KCNQ4: variants seen among roughly 807,000 people sequenced by gnomAD.
KCNQ4 encodes potassium voltage-gated channel subfamily Q member 4.
KCNQ4 carries 31 observed loss-of-function variants against 72.6 expected under a neutral mutation model. The observed-to-expected ratio is 0.43, with a 90% CI of 0.32 to 0.58. The LOEUF is 0.58. Among genes scored for constraint, KCNQ4 ranks in the 20% least tolerant of loss-of-function variants. The pLI is 0.08. For missense variants in KCNQ4, 869 were observed against 962.6 expected, an observed-to-expected ratio of 0.90 and a Z score of 1.29; for synonymous variants, 405 against 403.7, an observed-to-expected ratio of 1.00 and a Z score of -0.04.
At chr1:40,830,240 C>G (rs1052757912) in intron 9 of KCNQ4, among the ~76,000 whole-genome samples, 6 of 152,186 alleles carry the variant, frequency 3.9e-5, no homozygotes, top group African/African-American at 1.4e-4. Flanking sequence ...AATAGAGACC[C>G]TCACTGAGAG....
At chr1:40,826,618 T>A (rs1171853954) in intron 9 of KCNQ4, 7 of 454,966 alleles carry the variant, frequency 1.5e-5, no homozygotes, top group Non-Finnish European at 2.2e-5. Flanking sequence ...TCTGTTCGTG[T>A]CTTATTCTCA....
At position 40,820,155 on chromosome 1, in the gene KCNQ4, A is replaced by G; in HGVS notation, c.946-10A>G. Reference sequence around the variant, plus strand: ...CAGCACATTCCCCCAACCATGCCCTATCCCTCTAGGGCATCCTAGGCTCCG... The same window carrying G: ...CAGCACATTCCCCCAACCATGCCCTGTCCCTCTAGGGCATCCTAGGCTCCG... On this transcript the variant is annotated splice_polypyrimidine_tract_variant and intron_variant, in intron 6 of 13. Transcript: ENST00000347132. The G allele has an allele frequency of 6.2e-7, 1 of 1,602,852 alleles. No homozygotes were observed. Among genetic ancestry groups the G allele is most frequent in the Non-Finnish European group, 8.5e-7 (1 of 1,174,296 alleles).
At chr1:40,806,136 C>A (rs998700857) in intron 1 of KCNQ4, among the ~76,000 whole-genome samples, 1 of 152,224 alleles carries the variant, frequency 6.6e-6, no homozygotes, top group East Asian at 1.9e-4. Context: ...CCACCGCGCC[C>A]GGCCTCACAT....
intron 1 of KCNQ4, among the ~76,000 whole-genome samples, chr1:40,792,077 G>A (rs773465795): frequency 3.3e-5 from 5 of 152,132 alleles, no homozygotes; most frequent in Non-Finnish European, 5.9e-5. Context: ...GTACCCACTG[G>A]CTTTTGGGCA....
At chr1:40,796,924 A>AAATC (rs1343847740) in intron 1 of KCNQ4, among the ~76,000 whole-genome samples, 4 of 136,744 alleles carry the variant, frequency 2.9e-5, no homozygotes, top group Non-Finnish European at 6.9e-5. Context: ...TCAAATAAAT[A>AAATC]AATAAATAAA....
rs1424867606 is a variant in KCNQ4 at position 40,823,988 on chromosome 1, T to C, written c.1131-109T>C. ...TCTGGCCGGGCTGTCAGTGAACACC[T>C]CTAGAGCAGCAGGACCTGGCAAGAT... On this transcript the variant is annotated intron_variant, in intron 8 of 13. Transcript: ENST00000347132. 4 of 1,321,734 alleles carry C rather than the reference T, an allele frequency of 3.0e-6. No homozygotes were observed. The Admixed American group carries it at 7.9e-5, about 26-fold the overall frequency. The allele number at this position is 1,321,734 out of a possible 1,614,324, so 81.9% of individuals were successfully genotyped here.
At chr1:40,820,006 T>C (rs374344695) in intron 6 of KCNQ4, 21 bp downstream of exon 6, 14 of 1,598,114 alleles carry the variant, frequency 8.8e-6, no homozygotes, top group Non-Finnish European at 6.9e-6. Flanking sequence ...TCCTGCTCAG[T>C]TGGTGGGGGA....
intron 2 of KCNQ4, 95 bp from the exon 3 acceptor site, chr1:40,818,069 C>G: frequency 6.5e-6 from 10 of 1,534,036 alleles, no homozygotes; most frequent in Non-Finnish European, 9.0e-6. Flanking sequence ...AGGCCCTGGT[C>G]CCCCTAACCC....
intron 1 of KCNQ4, among the ~76,000 whole-genome samples, chr1:40,793,327 C>T (rs964320867): frequency 6.6e-6 from 1 of 152,152 alleles, no homozygotes; most frequent in African/African-American, 2.4e-5. Context: ...TTTCCTCAAA[C>T]CTGCCTCTGT....
rs761127546 is a variant in KCNQ4, at chr1:40,835,014, G to GACCGT, written c.1664_1668dup (p.Asp557ArgfsTer4). ...AAAAGGAAATTCAAGGAGACACTGCGACCGTACGACGTGAAGGACGTCATT... is the reference window on the plus strand; with the variant it reads ...AAAAGGAAATTCAAGGAGACACTGCGACCGTACCGTACGACGTGAAGGACGTCATT... On this transcript the variant is annotated frameshift_variant, in exon 12 of 14. Transcript: ENST00000347132. LOFTEE classifies it high-confidence loss of function. 1 of 1,614,064 alleles carries GACCGT rather than the reference G, an allele frequency of 6.2e-7. No homozygotes were observed. The highest frequency in any genetic ancestry group is 2.2e-5 in the East Asian group (1 of 44,876).
At chr1:40,797,179 A>G (rs967259404) in intron 1 of KCNQ4, among the ~76,000 whole-genome samples, 5 of 152,188 alleles carry the variant, frequency 3.3e-5, no homozygotes, top group Non-Finnish European at 7.3e-5. Flanking sequence ...AGGCAGGGTG[A>G]TAAGTGCCAC....
chr1:40,837,757 T>G lies in KCNQ4; in HGVS notation c.1838T>G (p.Ile613Ser), dbSNP rs1648848034. ...GPSDAEVVDEISMMGRVVKVE... is the reference protein window; with the variant it reads ...GPSDAEVVDESSMMGRVVKVE... ...TCCGACGCGGAGGTGGTGGATGAAATCAGCATGATGGGACGCGTGGTCAAG... is the reference window on the plus strand; with the variant it reads ...TCCGACGCGGAGGTGGTGGATGAAAGCAGCATGATGGGACGCGTGGTCAAG... The change falls in exon 13 of 14, where the codon ATC (isoleucine) becomes AGC (serine). Residue 613 changes from isoleucine (I) to serine (S), a missense_variant. Transcript: ENST00000347132. 3 of 1,611,846 alleles carry G rather than the reference T, an allele frequency of 1.9e-6. 1 individual carries two copies. In the South Asian group the frequency reaches 3.3e-5, roughly 18 times the overall value.
chr1:40,838,214 C>T lies in KCNQ4; in HGVS notation c.1876-97C>T, dbSNP rs890160088. The stretch of plus-strand genomic sequence containing the variant: ...GTGCTTCCCAGATAAGCCCCGCCCA[C>T]TCCACCGGCTAGGGTCCGCCCCGAG... On this transcript the variant is annotated intron_variant, in intron 13 of 13. Coordinates refer to ENST00000347132, the MANE Select transcript of KCNQ4 (RefSeq NM_004700.4). 2.8e-6 allele frequency: 3 copies of T among 1,056,976 alleles called. No individual in the cohort carries two copies. In the Admixed American group the frequency reaches 5.5e-5, roughly 19 times the overall value. 65.5% of individuals were successfully genotyped at this position (1,056,976 alleles called of 1,614,324 possible).
intron 11 of KCNQ4, 60 bp from the exon 12 acceptor site, chr1:40,834,907 G>T: frequency 1.2e-6 from 2 of 1,603,442 alleles, no homozygotes; most frequent in Non-Finnish European, 1.7e-6. Flanking sequence ...GATGGAGAGG[G>T]TGCTGGGAAA....
intron 10 of KCNQ4, among the ~76,000 whole-genome samples, chr1:40,832,188 T>G (rs1421250686): frequency 1.3e-5 from 2 of 152,216 alleles, no homozygotes; most frequent in Non-Finnish European, 2.9e-5. Flanking sequence ...TGACATACTT[T>G]AGGCCCCTGG....
At chr1:40,819,226 A>G (rs1570830936) in intron 4 of KCNQ4, 121 bp from the exon 5 acceptor site, 3 of 1,254,926 alleles carry the variant, frequency 2.4e-6, no homozygotes, top group South Asian at 1.3e-5. Context: ...GAGCTGAGAA[A>G]GAAAAGCGAG....
intron 5 of KCNQ4, among the ~76,000 whole-genome samples, 164 bp downstream of exon 5, chr1:40,819,636 A>G (rs1160516043): frequency 7.5e-6 from 1 of 133,498 alleles, no homozygotes; most frequent in Non-Finnish European, 1.6e-5. Flanking sequence ...CTAACCCCCC[A>G]ACCTGCTCTG....
At position 40,794,562 on chromosome 1, in the gene KCNQ4, G is replaced by A. The variant is rs529234474; in HGVS notation, c.314+10155G>A. Among the ~76,000 whole-genome samples the A allele has an allele frequency of 8.5e-5, 13 of 152,304 alleles. No homozygotes were observed. In the East Asian group the frequency reaches 9.6e-4, roughly 11 times the overall value. On this transcript the variant is annotated intron_variant, in intron 1 of 13. Coordinates refer to ENST00000347132, the MANE Select transcript of KCNQ4 (RefSeq NM_004700.4). This position sits in a 1 kb window ranked among gnomAD's most constrained non-coding sequence, Gnocchi z 4.2. ...CGAGCTCTAAATGGTTCTCAGCCTC[G>A]CCAGCTGACCCAAGGCAGTTTCCAG... is the stretch of plus-strand genomic sequence containing the variant.
chr1:40,789,456 G>A (rs187714218), intron 1 of KCNQ4, among the ~76,000 whole-genome samples: 7 of 152,200 alleles, frequency 4.6e-5, no homozygotes, highest in African/African-American at 1.4e-4. Flanking sequence ...CAAATTTTTC[G>A]TGCTGCTGTT....
Sources: allele counts gnomAD v4.1 joint callset (sites outside exome capture counted in the v4.1 genomes callset), GRCh38; gene constraint gnomAD v4.1.1; non-coding constraint Gnocchi (gnomAD v3.1); transcripts MANE v1.5; gene names NCBI Gene and HGNC (gene_info 2026-07-23, HGNC 2026-07-21).